DAB1: variants seen among roughly 807,000 people sequenced by gnomAD.
DAB1 encodes the protein DAB adaptor protein 1.
In DAB1, 15 loss-of-function variants were observed where a neutral mutation model predicts 64.6. The ratio of observed to expected loss-of-function variants is 0.23; its 90% confidence interval spans 0.16 to 0.36. DAB1 has a LOEUF of 0.36. Among genes scored for constraint, DAB1 ranks in the 10% least tolerant of loss-of-function variants. DAB1 has a pLI of 1.00. For missense variants in DAB1, 596 were observed against 706.7 expected (o/e 0.84, Z 1.78); for synonymous variants, 235 against 251.9 (o/e 0.93, Z 0.64).
intron 5 of DAB1, among the ~76,000 whole-genome samples, chr1:58,147,111 A>G (rs1472961301): frequency 6.6e-6 from 1 of 151,832 alleles, no homozygotes; most frequent in Non-Finnish European, 1.5e-5. Flanking sequence ...GTTTGAGACC[A>G]ACCTGACCAA....
chr1:58,118,994 A>C (rs534154469), intron 5 of DAB1, among the ~76,000 whole-genome samples: 2 of 152,154 alleles, frequency 1.3e-5, no homozygotes, highest in African/African-American at 4.8e-5. Flanking sequence ...ATACATAGCT[A>C]TCAAGCTCTT....
In DAB1 at chr1:58,022,843, G is replaced by A. The variant is rs544019013; in HGVS notation, n.387+127668C>T. On this transcript the variant is annotated intron_variant and non_coding_transcript_variant, in intron 5 of 20. Coordinates refer to the DAB1 transcript ENST00000485760. ...CTGTATTACCTTCATCATCATCACCGCCAACAATCCCATCATCATTCATTA... is the reference window on the plus strand; with the variant it reads ...CTGTATTACCTTCATCATCATCACCACCAACAATCCCATCATCATTCATTA... Among the ~76,000 whole-genome samples the A allele has an allele frequency of 1.2e-4, 19 of 152,010 alleles. No individual in the cohort carries two copies. The South Asian group carries it at 2.1e-3, about 17-fold the overall frequency.
intron 6 of DAB1, among the ~76,000 whole-genome samples, chr1:57,767,298 T>C (rs1427526148): frequency 6.6e-6 from 1 of 152,154 alleles, no homozygotes; most frequent in East Asian, 1.9e-4. Flanking sequence ...GAAAGGGGTG[T>C]GTTATGAATA....
At chr1:57,086,470 G>A (rs1312216308) in intron 4 of DAB1, among the ~76,000 whole-genome samples, 1 of 152,062 alleles carries the variant, frequency 6.6e-6, no homozygotes, top group African/African-American at 2.4e-5. Flanking sequence ...TTTTTCTCTG[G>A]GTTATAAAAG....
intron 3 of DAB1, among the ~76,000 whole-genome samples, chr1:58,449,408 T>C (rs1645108271): frequency 6.6e-6 from 1 of 152,156 alleles, no homozygotes; most frequent in South Asian, 2.1e-4. Flanking sequence ...CCAGGGTCCT[T>C]GAAACAAAGC....
At chr1:57,769,531 C>T (rs142113803) in intron 6 of DAB1, among the ~76,000 whole-genome samples, 64 of 152,220 alleles carry the variant, frequency 4.2e-4, no homozygotes, top group African/African-American at 1.5e-3. Context: ...TGGCCAGTTT[C>T]AAGAAATGCA....
chr1:57,536,485 A>C (rs1351068853), intron 7 of DAB1, among the ~76,000 whole-genome samples: 3 of 152,304 alleles, frequency 2.0e-5, no homozygotes, highest in South Asian at 4.2e-4. Context: ...TAATGTCAGC[A>C]AAGTCTCTCT....
chr1:57,614,864 CTT>C (rs1226745153), intron 7 of DAB1, among the ~76,000 whole-genome samples: 1 of 114,932 alleles, frequency 8.7e-6, no homozygotes, highest in Non-Finnish European at 1.8e-5. Context: ...TTCTTTCTTT[CTT>C]TCTTTTTTTT....
intron 9 of DAB1, among the ~76,000 whole-genome samples, chr1:57,037,938 A>T (rs1330797606): frequency 6.6e-6 from 1 of 152,242 alleles, no homozygotes; most frequent in Admixed American, 6.5e-5. Context: ...GCTGTCCAAT[A>T]CAGCAGTCAG....
chr1:57,196,321 C>T (rs1435020502), intron 2 of DAB1, among the ~76,000 whole-genome samples: 3 of 152,204 alleles, frequency 2.0e-5, no homozygotes, highest in Non-Finnish European at 4.4e-5. Context: ...TGTAGCCATC[C>T]TCACCATAGT....
chr1:58,394,961 A>G (rs545984047), intron 3 of DAB1, among the ~76,000 whole-genome samples: 4 of 151,904 alleles, frequency 2.6e-5, no homozygotes, highest in Non-Finnish European at 5.9e-5. Context: ...GATAAGATAT[A>G]TACAAGGTAT....
chr1:57,387,171 C>T (rs1390581854), intron 1 of DAB1: 3 of 152,212 alleles, frequency 2.0e-5, no homozygotes, highest in Non-Finnish European at 4.4e-5. Flanking sequence ...CCTCTCCAAG[C>T]CTCAGTTTCC....
chr1:58,235,567 G>A (rs1659985399), intron 4 of DAB1, among the ~76,000 whole-genome samples: 1 of 152,132 alleles, frequency 6.6e-6, no homozygotes, highest in Non-Finnish European at 1.5e-5. Context: ...GTGTGTGTGG[G>A]TATATATAGA....
chr1:57,511,199 GC>G (rs1366415482), intron 7 of DAB1, among the ~76,000 whole-genome samples: 1 of 152,058 alleles, frequency 6.6e-6, no homozygotes, highest in Admixed American at 6.5e-5. Context: ...ATCTAATTGT[GC>G]CCCTTCCATG....
chr1:58,527,343 G>A, intron 1 of DAB1: 2 of 870,570 alleles, frequency 2.3e-6, no homozygotes, highest in South Asian at 1.3e-5. Flanking sequence ...ATACTAAGAA[G>A]AAATGACAGA....
chr1:57,025,537 C>G (rs143470270), intron 10 of DAB1, among the ~76,000 whole-genome samples: 45 of 152,196 alleles, frequency 3.0e-4, no homozygotes, highest in African/African-American at 1.0e-3. Flanking sequence ...AAGATCCTTC[C>G]TTTACTGGGC....
intron 3 of DAB1, among the ~76,000 whole-genome samples, chr1:58,423,539 C>T (rs1436486192): frequency 2.6e-5 from 4 of 152,204 alleles, no homozygotes; most frequent in Non-Finnish European, 5.9e-5. Context: ...ATGAGGCCGA[C>T]CTCCAAGCAG....
chr1:58,300,704 GGAAGGAAGGA>G, intron 4 of DAB1, among the ~76,000 whole-genome samples: 1 of 144,044 alleles, frequency 6.9e-6, no homozygotes, highest in Non-Finnish European at 1.5e-5. Flanking sequence ...AAGGAAGGAA[GGAAGGAAGGA>G]AGAGAAAACT....
chr1:58,359,749 G>A (rs1004045793), intron 3 of DAB1, among the ~76,000 whole-genome samples: 3 of 137,454 alleles, frequency 2.2e-5, no homozygotes, highest in African/African-American at 7.9e-5. Flanking sequence ...TATTCAGTTA[G>A]TATTTCCTAT....
Sources: gnomAD v4.1 joint callset for allele counts (sites outside exome capture counted in the v4.1 genomes callset) on GRCh38, gnomAD v4.1.1 for gene constraint, MANE v1.5 for transcripts, NCBI Gene and HGNC (gene_info 2026-07-23, HGNC 2026-07-21) for gene names.